Variants in MIA2 observed in about 807,000 individuals in gnomAD.
MIA2 encodes melanoma inhibitory activity protein 2.
A neutral mutation model predicts 167.8 loss-of-function variants in MIA2; 127 were observed. The ratio of observed to expected loss-of-function variants is 0.76; its 90% confidence interval spans 0.66 to 0.88. The LOEUF (loss-of-function observed/expected upper bound fraction) is 0.88. MIA2 is among the 40% of genes least tolerant of loss of function. MIA2 has a pLI of 0.00. For missense variants in MIA2, 1,690 were observed against 1,624.7 expected, an observed-to-expected ratio of 1.04 and a Z score of -0.69; for synonymous variants, 552 against 541.9, an observed-to-expected ratio of 1.02 and a Z score of -0.26.
chr14:39,339,676 G>C (rs1421649078), intron 25 of MIA2, among the ~76,000 whole-genome samples: 1 of 152,036 alleles, frequency 6.6e-6, no homozygotes, highest in East Asian at 1.9e-4. Context: ...CAACAGCTCT[G>C]TCCAATAGAG....
intron 18 of MIA2, 140 bp downstream of exon 18, chr14:39,308,727 G>A: frequency 2.8e-6 from 2 of 708,302 alleles, no homozygotes; most frequent in Non-Finnish European, 4.3e-6. Context: ...TTTAAGAAAG[G>A]TATTTGATCT....
chr14:39,357,989 T>G (rs925973161), intron 23 of MIA2, among the ~76,000 whole-genome samples: 1 of 152,242 alleles, frequency 6.6e-6, no homozygotes. Flanking sequence ...CTTAACATTT[T>G]TTCCTTCATT....
intron 2 of MIA2, among the ~76,000 whole-genome samples, chr14:39,239,428 C>T (rs1344676044): frequency 6.6e-6 from 1 of 152,032 alleles, no homozygotes; most frequent in Non-Finnish European, 1.5e-5. Flanking sequence ...GTTTGTAGTC[C>T]TAGCTACTTC....
chr14:39,372,086 C>T (rs1167530290), intron 23 of MIA2, among the ~76,000 whole-genome samples: 1 of 152,118 alleles, frequency 6.6e-6, no homozygotes, highest in African/African-American at 2.4e-5. Context: ...GAGCTTCCCC[C>T]TGTGGCTGGA....
intron 5 of MIA2, 25 bp downstream of exon 5, chr14:39,252,991 T>G (rs1325730759): frequency 1.3e-6 from 2 of 1,571,360 alleles, no homozygotes; most frequent in African/African-American, 2.7e-5. Context: ...ATTTATTCTC[T>G]AATGCATCAA....
intron 6 of MIA2, among the ~76,000 whole-genome samples, chr14:39,264,339 TG>T (rs1299591603): frequency 1.3e-5 from 2 of 152,206 alleles, no homozygotes; most frequent in African/African-American, 4.8e-5. Context: ...CTTTATCCAA[TG>T]CACCGTTGAT....
At chr14:39,280,382 T>C (rs1234267355) in intron 9 of MIA2, among the ~76,000 whole-genome samples, 1 of 151,942 alleles carries the variant, frequency 6.6e-6, no homozygotes, top group South Asian at 2.1e-4. Context: ...TCTTCATAAG[T>C]AGTAGTGGAA....
At chr14:39,286,862 T>A (rs2152800032) in intron 9 of MIA2, among the ~76,000 whole-genome samples, 1 of 78,786 alleles carries the variant, frequency 1.3e-5, no homozygotes, top group South Asian at 5.7e-4. Flanking sequence ...CCTGGCTATT[T>A]TTCTGTGTGT....
intron 6 of MIA2, chr14:39,267,540 G>T: frequency 6.2e-7 from 1 of 1,612,872 alleles, no homozygotes; most frequent in Non-Finnish European, 8.5e-7. Context: ...CAGGCGCGAT[G>T]AGTGTTACGT....
chr14:39,381,731 C>T (rs2094275), intron 23 of MIA2, among the ~76,000 whole-genome samples: 140,402 of 150,114 alleles, frequency 0.94, 65,744 homozygotes, highest in East Asian at 0.96. Flanking sequence ...AGAGGCCTTA[C>T]TCCTCCTAAT....
intron 6 of MIA2, among the ~76,000 whole-genome samples, chr14:39,263,990 G>A (rs2055287123): frequency 6.6e-6 from 1 of 152,078 alleles, no homozygotes. Context: ...ACATGTACAG[G>A]TTTGTTACAA....
At chr14:39,350,065 T>C (rs1595916883) in intron 28 of MIA2, 33 bp from the exon 29 acceptor site, 2 of 906,190 alleles carry the variant, frequency 2.2e-6, no homozygotes, top group East Asian at 5.8e-5. Context: ...TTCTTAAAGT[T>C]AAAAAATGTC....
intron 4 of MIA2, among the ~76,000 whole-genome samples, chr14:39,251,113 G>C (rs1323449016): frequency 6.6e-6 from 1 of 152,138 alleles, no homozygotes; most frequent in Non-Finnish European, 1.5e-5. Context: ...ATGAAAACTT[G>C]CTGTAATTAT....
intron 18 of MIA2, among the ~76,000 whole-genome samples, chr14:39,310,632 A>G (rs1026570274): frequency 7.2e-5 from 11 of 152,208 alleles, no homozygotes; most frequent in Non-Finnish European, 1.5e-4. Flanking sequence ...TTTACGATGT[A>G]TAGTGACTTT....
chr14:39,356,116 T>A (rs1469171946), downstream of MIA2, among the ~76,000 whole-genome samples: 1 of 152,226 alleles, frequency 6.6e-6, no homozygotes, highest in South Asian at 2.1e-4. Flanking sequence ...TGGAATAGTT[T>A]CAGAAGGAGT....
intron 23 of MIA2, among the ~76,000 whole-genome samples, chr14:39,384,405 G>A (rs2075229065): frequency 1.3e-5 from 2 of 152,168 alleles, no homozygotes; most frequent in South Asian, 4.1e-4. Flanking sequence ...GAGCTCTGAT[G>A]GAGATGTGCA....
In MIA2 at chr14:39,267,363, T is replaced by C. The variant is rs1594780383; in HGVS notation, c.1888-9571T>C. On this transcript the variant is annotated intron_variant, in intron 6 of 28. Transcript: ENST00000640607. ...GTCCACTCCGGTTGCCGGGTGCGGA[T>C]TCGGGTTCCGGACCGAAGGCTGTGT... 3.2e-6 allele frequency: 5 copies of C among 1,586,314 alleles called. No homozygotes were observed. In the East Asian group the frequency reaches 1.1e-4, roughly 36 times the overall value.
At chr14:39,248,376 C>T (rs967156189) in intron 4 of MIA2, among the ~76,000 whole-genome samples, 1 of 150,272 alleles carries the variant, frequency 6.7e-6, no homozygotes, top group African/African-American at 2.4e-5. Flanking sequence ...AAGTATTTTA[C>T]AATAAATTTT....
chr14:39,286,037 CG>C (rs2059726181), intron 9 of MIA2, among the ~76,000 whole-genome samples: 2 of 152,148 alleles, frequency 1.3e-5, no homozygotes, highest in Non-Finnish European at 2.9e-5. Flanking sequence ...ACTTCCCAGA[CG>C]GGGTGGCGGC....
Sources: gnomAD v4.1 joint callset for allele counts (sites outside exome capture counted in the v4.1 genomes callset) on GRCh38, gnomAD v4.1.1 for gene constraint, MANE v1.5 for transcripts, NCBI Gene and HGNC (gene_info 2026-07-23, HGNC 2026-07-21) for gene names.